Variants in TLE4 observed in about 807,000 individuals in gnomAD.
TLE4 encodes TLE family member 4, transcriptional corepressor.
In TLE4, 8 loss-of-function variants were observed where a neutral mutation model predicts 92.8. That is an observed-to-expected ratio of 0.09 (90% CI 0.05 to 0.16). The LOEUF (loss-of-function observed/expected upper bound fraction) is 0.16. Among genes scored for constraint, TLE4 ranks in the 10% least tolerant of loss-of-function variants. The pLI, the probability that TLE4 is intolerant of heterozygous loss-of-function variation, is 1.00. For missense variants in TLE4, 675 were observed against 997.6 expected, an observed-to-expected ratio of 0.68 and a Z score of 4.36; for synonymous variants, 371 against 374.1, an observed-to-expected ratio of 0.99 and a Z score of 0.10.
chr9:79,681,832 A>ATGTGTGTG (rs35005870), intron 8 of TLE4, among the ~76,000 whole-genome samples: 25 of 141,606 alleles, frequency 1.8e-4, no homozygotes, highest in South Asian at 4.7e-4. Context: ...GAGTGTGTGC[A>ATGTGTGTG]TGTGTGTGTG....
chr9:79,665,667 C>T (rs1253838359), intron 8 of TLE4, among the ~76,000 whole-genome samples: 1 of 152,150 alleles, frequency 6.6e-6, no homozygotes, highest in African/African-American at 2.4e-5. Flanking sequence ...GCCTTTTACT[C>T]GAATTCAGAA....
intron 14 of TLE4, among the ~76,000 whole-genome samples, chr9:79,713,647 T>G (rs531348384): frequency 2.6e-5 from 4 of 152,312 alleles, no homozygotes; most frequent in African/African-American, 9.6e-5. Context: ...TCTTCCCAGT[T>G]TGCCCTTTTT....
chr9:79,606,198 T>G (rs1322827146), intron 4 of TLE4, among the ~76,000 whole-genome samples: 3 of 79,920 alleles, frequency 3.8e-5, no homozygotes, highest in African/African-American at 5.7e-5. Context: ...TTTTTTTTTT[T>G]TTTTTTTTTT....
intron 8 of TLE4, among the ~76,000 whole-genome samples, chr9:79,696,494 T>C (rs1374052296): frequency 6.6e-6 from 1 of 152,178 alleles, no homozygotes; most frequent in African/African-American, 2.4e-5. Flanking sequence ...TAAATTGATA[T>C]ATTGTCATTT....
intron 6 of TLE4, among the ~76,000 whole-genome samples, chr9:79,629,670 G>T (rs2053661954): frequency 6.6e-6 from 1 of 152,176 alleles, no homozygotes. Context: ...AGAAAATGGA[G>T]TCGGAAATCA....
At chr9:79,605,552 A>G (rs2046614074) in intron 4 of TLE4, among the ~76,000 whole-genome samples, 1 of 152,108 alleles carries the variant, frequency 6.6e-6, no homozygotes, top group African/African-American at 2.4e-5. Flanking sequence ...GAGAGCTCAC[A>G]TGGTAGGAGG....
At chr9:79,678,428 C>G (rs942215824) in intron 8 of TLE4, among the ~76,000 whole-genome samples, 4 of 151,612 alleles carry the variant, frequency 2.6e-5, no homozygotes, top group African/African-American at 9.7e-5. Context: ...TTTTTTAAAT[C>G]AGAGAAAAAT....
chr9:79,685,230 C>T (rs2065595404), intron 8 of TLE4, among the ~76,000 whole-genome samples: 2 of 152,130 alleles, frequency 1.3e-5, no homozygotes, highest in African/African-American at 4.8e-5. Context: ...GCATTGTTAC[C>T]CTCATTCCTG....
chr9:79,620,769 T>C (rs958171515), intron 5 of TLE4, among the ~76,000 whole-genome samples: 2 of 152,222 alleles, frequency 1.3e-5, no homozygotes, highest in African/African-American at 4.8e-5. Context: ...AAAGGCTTTA[T>C]TGGCTCATGG....
At chr9:79,654,986 A>G (rs967099052) in intron 8 of TLE4, among the ~76,000 whole-genome samples, 1 of 152,210 alleles carries the variant, frequency 6.6e-6, no homozygotes, top group Non-Finnish European at 1.5e-5. Context: ...TATTAAAAAT[A>G]CAAACATTAG....
chr9:79,609,665 A>G (rs923402908), intron 4 of TLE4, among the ~76,000 whole-genome samples: 11 of 152,052 alleles, frequency 7.2e-5, no homozygotes, highest in African/African-American at 2.7e-4. Context: ...GGGGCTGTTA[A>G]TGCTATTTTA....
intron 6 of TLE4, among the ~76,000 whole-genome samples, chr9:79,651,419 C>T (rs2058970674): frequency 6.6e-6 from 1 of 152,166 alleles, no homozygotes; most frequent in Admixed American, 6.5e-5. Flanking sequence ...GTCAAGCACA[C>T]CCATTCCAGC....
intron 4 of TLE4, among the ~76,000 whole-genome samples, chr9:79,596,095 C>CT (rs1587858968): frequency 1.3e-5 from 2 of 152,070 alleles, no homozygotes; most frequent in East Asian, 3.9e-4. Flanking sequence ...ATCCGCCCGC[C>CT]CTGGCCTCCC....
chr9:79,575,672 C>T (rs1316129783), intron 3 of TLE4: 1 of 152,632 alleles, frequency 6.6e-6, no homozygotes, highest in Admixed American at 6.5e-5. Context: ...AGCTTTTTTG[C>T]TTTGAATGTG....
chr9:79,577,190 G>T (rs1391378224), intron 4 of TLE4, among the ~76,000 whole-genome samples: 1 of 152,052 alleles, frequency 6.6e-6, no homozygotes, highest in Non-Finnish European at 1.5e-5. Context: ...TCTAAGTTGA[G>T]AAAATATGAA....
intron 14 of TLE4, among the ~76,000 whole-genome samples, chr9:79,713,253 A>G (rs1328958636): frequency 6.6e-6 from 1 of 152,212 alleles, no homozygotes; most frequent in African/African-American, 2.4e-5. Context: ...GACCTTCTTT[A>G]AATATGCTGG....
At chr9:79,572,883 C>T (rs781697992) in intron 1 of TLE4, 48 bp downstream of exon 1, 23 of 1,559,720 alleles carry the variant, frequency 1.5e-5, no homozygotes, top group Middle Eastern at 1.7e-4. Flanking sequence ...TGGGGGATTC[C>T]CCGCGTCGCC....
At chr9:79,583,599 T>C (rs1268251224) in intron 4 of TLE4, among the ~76,000 whole-genome samples, 2 of 152,188 alleles carry the variant, frequency 1.3e-5, no homozygotes, top group Non-Finnish European at 2.9e-5. Context: ...GGATATTGGC[T>C]TTTTCATTTC....
intron 4 of TLE4, among the ~76,000 whole-genome samples, chr9:79,610,063 G>C (rs142393141): frequency 0.012 from 1,859 of 152,020 alleles, 24 homozygotes; most frequent in Middle Eastern, 0.099. Context: ...TTTCCCCAAA[G>C]CTGAAAAATA....
Sources: gnomAD v4.1 joint callset for allele counts (sites outside exome capture counted in the v4.1 genomes callset) on GRCh38, gnomAD v4.1.1 for gene constraint, MANE v1.5 for transcripts, NCBI Gene and HGNC (gene_info 2026-07-23, HGNC 2026-07-21) for gene names.